IDE: variants seen among roughly 807,000 people sequenced by gnomAD.
IDE encodes insulin degrading enzyme, also known as insulin-degrading enzyme.
Under a neutral mutation model 133.2 loss-of-function variants are expected in IDE, and 58 were observed. That is an observed-to-expected ratio of 0.44 (90% CI 0.35 to 0.54). The LOEUF is 0.54. Among genes scored for constraint, IDE ranks in the 20% least tolerant of loss-of-function variants. The probability of loss-of-function intolerance (pLI) is 0.00; values close to 1 mark genes in which losing one functional copy is unlikely to be tolerated. For missense variants in IDE, 981 were observed against 1,234.0 expected (o/e 0.79, Z 3.07); for synonymous variants, 396 against 421.3 (o/e 0.94, Z 0.73).
chr10:92,561,153 G>A (rs1843262144), intron 1 of IDE, among the ~76,000 whole-genome samples: 1 of 152,000 alleles, frequency 6.6e-6, no homozygotes, highest in African/African-American at 2.4e-5. Context: ...CTATTCAGGA[G>A]GCTGAGGCAG....
chr10:92,534,430 A>ATTT, intron 3 of IDE, 148 bp downstream of exon 3: 1 of 586,904 alleles, frequency 1.7e-6, no homozygotes, highest in African/African-American at 1.9e-5. Context: ...GACATCACTC[A>ATTT]TTTTTTCTTT....
intron 22 of IDE, among the ~76,000 whole-genome samples, chr10:92,456,753 T>C (rs3781241): frequency 0.29 from 43,185 of 146,578 alleles, 7,692 homozygotes; most frequent in East Asian, 0.68. Context: ...GTGGGAGGAT[T>C]GCCTGACACG....
chr10:92,548,707 T>C (rs1842647721), intron 1 of IDE, among the ~76,000 whole-genome samples: 1 of 152,142 alleles, frequency 6.6e-6, no homozygotes, highest in Admixed American at 6.5e-5. Context: ...AAACATTCAT[T>C]AGGTAGGCTG....
intron 1 of IDE, among the ~76,000 whole-genome samples, chr10:92,543,500 T>A (rs1374097191): frequency 6.6e-6 from 1 of 152,214 alleles, no homozygotes; most frequent in Admixed American, 6.5e-5. Context: ...AGCTAGATCA[T>A]AAAGTTGGGT....
intron 1 of IDE, among the ~76,000 whole-genome samples, chr10:92,559,606 C>A (rs1019523287): frequency 6.6e-6 from 1 of 151,988 alleles, no homozygotes; most frequent in Non-Finnish European, 1.5e-5. Flanking sequence ...GCCATGGGCT[C>A]AGGGAAGAGT....
intron 1 of IDE, among the ~76,000 whole-genome samples, chr10:92,560,770 G>A (rs977806731): frequency 5.3e-5 from 8 of 150,462 alleles, no homozygotes; most frequent in Admixed American, 1.3e-4. Context: ...GCGACAGAGC[G>A]AGACTCCGTC....
chr10:92,539,439 C>T (rs776440233), intron 1 of IDE, among the ~76,000 whole-genome samples: 17 of 152,060 alleles, frequency 1.1e-4, no homozygotes, highest in Non-Finnish European at 1.9e-4. Flanking sequence ...TTGGAAAATT[C>T]AAAAGCAACT....
At chr10:92,468,708 T>A (rs758335995) in intron 19 of IDE, among the ~76,000 whole-genome samples, 171 bp downstream of exon 19, 2 of 152,228 alleles carry the variant, frequency 1.3e-5, no homozygotes, top group South Asian at 4.1e-4. Flanking sequence ...TTGGCCCTCC[T>A]ACCAAAAATT....
chr10:92,551,926 A>G (rs1324955395), intron 1 of IDE, among the ~76,000 whole-genome samples: 1 of 152,216 alleles, frequency 6.6e-6, no homozygotes, highest in African/African-American at 2.4e-5. Flanking sequence ...ACTTGAGGCC[A>G]GGAGTTTGAG....
rs142848752 is a variant in IDE, at chr10:92,519,653, G to A, written c.662-4611C>T. ...TAGGGATAATATGGATATATGTCCA[G>A]GTGCTAAAAGCAAGGAAAGGCTCAA... is the stretch of plus-strand genomic sequence containing the variant. On this transcript the variant is annotated intron_variant, in intron 4 of 24. Coordinates refer to ENST00000265986, the MANE Select transcript of IDE (RefSeq NM_004969.4). Among the ~76,000 whole-genome samples, 365 of 152,280 alleles carry A rather than the reference G, an allele frequency of 2.4e-3. 1 individual carries two copies. Among genetic ancestry groups the A allele is most frequent in the African/African-American group, 8.3e-3 (344 of 41,558 alleles).
chr10:92,524,483 ATT>A (rs1849488289), intron 4 of IDE, among the ~76,000 whole-genome samples: 1 of 12,782 alleles, frequency 7.8e-5, no homozygotes, highest in Non-Finnish European at 2.9e-4. Flanking sequence ...TATAATATAT[ATT>A]ATATTATAAT....
chr10:92,574,045 C>G lies in IDE; in HGVS notation c.-26G>C. 6.7e-7 allele frequency: 1 copy of G among 1,492,164 alleles called. No homozygotes were observed. The highest frequency in any genetic ancestry group is 8.9e-7 in the Non-Finnish European group (1 of 1,118,464). The allele number at this position is 1,492,164 out of a possible 1,614,324, so 92.4% of individuals were successfully genotyped here. ...TAGCCAGCGCAGTCGCCGGGATCAC[C>G]GCAAACGCTTCCTGCTTGCGCTTCG... On this transcript the variant is annotated 5_prime_UTR_variant, in exon 1 of 25. Transcript: ENST00000265986.
At chr10:92,542,375 G>A (rs535359612) in intron 1 of IDE, among the ~76,000 whole-genome samples, 4 of 152,190 alleles carry the variant, frequency 2.6e-5, no homozygotes, top group African/African-American at 4.8e-5. Context: ...GACTGGTCTC[G>A]AACTCCTGGC....
intron 7 of IDE, 117 bp downstream of exon 7, chr10:92,508,611 T>C: frequency 1.3e-6 from 1 of 775,136 alleles, no homozygotes; most frequent in South Asian, 2.1e-5. Context: ...TCTCACTCAC[T>C]AACCCAAAAT....
chr10:92,480,520 A>G (rs1296431334), intron 14 of IDE: 1 of 152,264 alleles, frequency 6.6e-6, no homozygotes, highest in Non-Finnish European at 1.5e-5. Flanking sequence ...GCTGCTTTAC[A>G]TAAGATGGCC....
chr10:92,477,096 T>G (rs1359266254), intron 15 of IDE, among the ~76,000 whole-genome samples: 1 of 151,978 alleles, frequency 6.6e-6, no homozygotes, highest in East Asian at 1.9e-4. Flanking sequence ...CAAAAGCTAA[T>G]GGCAAAACAA....
At chr10:92,508,996 C>A in intron 6 of IDE, 106 bp from the exon 7 acceptor site, 1 of 838,340 alleles carries the variant, frequency 1.2e-6, no homozygotes, top group Non-Finnish European at 1.9e-6. Context: ...AATTTAAGAG[C>A]AAATCAATTG....
chr10:92,524,722 A>T (rs1250069268), intron 4 of IDE, among the ~76,000 whole-genome samples: 1 of 146,056 alleles, frequency 6.8e-6, no homozygotes, highest in Non-Finnish European at 1.5e-5. Flanking sequence ...CAGAAGTTTG[A>T]GATCAGCCTG....
chr10:92,466,200 C>A (rs1322728980), intron 19 of IDE, among the ~76,000 whole-genome samples: 1 of 140,884 alleles, frequency 7.1e-6, no homozygotes, highest in African/African-American at 2.7e-5. Context: ...CACTGCACTC[C>A]AGACCAAGAC....
Sources: gnomAD v4.1 joint callset for allele counts (sites outside exome capture counted in the v4.1 genomes callset) on GRCh38, gnomAD v4.1.1 for gene constraint, MANE v1.5 for transcripts, NCBI Gene and HGNC (gene_info 2026-07-23, HGNC 2026-07-21) for gene names.